GABRB1: variants seen among roughly 807,000 people sequenced by gnomAD.
The protein encoded by GABRB1 is gamma-aminobutyric acid receptor subunit beta-1.
Under a neutral mutation model 51.6 loss-of-function variants are expected in GABRB1, and 17 were observed. The ratio of observed to expected loss-of-function variants is 0.33; its 90% confidence interval spans 0.23 to 0.49. GABRB1 has a LOEUF of 0.49. GABRB1 is among the 20% of genes least tolerant of loss of function. GABRB1 has a pLI of 0.99. For missense variants in GABRB1, 410 were observed against 600.6 expected (o/e 0.68, Z 3.32); for synonymous variants, 247 against 218.9 (o/e 1.13, Z -1.14).
At chr4:47,264,364 A>C (rs546927782) in intron 4 of GABRB1, among the ~76,000 whole-genome samples, 67 of 152,336 alleles carry the variant, frequency 4.4e-4, no homozygotes, top group African/African-American at 1.6e-3. Flanking sequence ...TCATGGCCCT[A>C]TGTTATGGGG....
At chr4:47,115,665 A>C (rs1222766314) in intron 3 of GABRB1, among the ~76,000 whole-genome samples, 1 of 152,116 alleles carries the variant, frequency 6.6e-6, no homozygotes, top group East Asian at 1.9e-4. Context: ...CATTGAAAAA[A>C]AGTGCATATT....
intron 5 of GABRB1, among the ~76,000 whole-genome samples, chr4:47,380,172 G>A (rs1727543810): frequency 6.6e-6 from 1 of 152,162 alleles, no homozygotes; most frequent in South Asian, 2.1e-4. Flanking sequence ...GGAATTGCTT[G>A]TTATAATGCA....
At chr4:47,074,106 TC>T (rs2109551722) in intron 3 of GABRB1, among the ~76,000 whole-genome samples, 1 of 152,312 alleles carries the variant, frequency 6.6e-6, no homozygotes, top group South Asian at 2.1e-4. Flanking sequence ...CATTGCTATT[TC>T]CAAATATTTT....
chr4:47,122,741 C>T (rs1285480321), intron 3 of GABRB1, among the ~76,000 whole-genome samples: 2 of 152,184 alleles, frequency 1.3e-5, no homozygotes, highest in Non-Finnish European at 2.9e-5. Flanking sequence ...AAAACTGTCA[C>T]TGCTGAGTTG....
intron 5 of GABRB1, among the ~76,000 whole-genome samples, chr4:47,332,233 C>T (rs978353030): frequency 6.6e-6 from 1 of 152,164 alleles, no homozygotes; most frequent in Non-Finnish European, 1.5e-5. Flanking sequence ...GTCAGAAACC[C>T]TTTCTCTTCT....
chr4:47,384,059 AT>A (rs1038322311), intron 5 of GABRB1, among the ~76,000 whole-genome samples: 1 of 152,040 alleles, frequency 6.6e-6, no homozygotes, highest in East Asian at 1.9e-4. Context: ...TTTGATGTTT[AT>A]TTTTCCCAAA....
chr4:47,400,731 C>G (rs377500371), intron 5 of GABRB1, among the ~76,000 whole-genome samples: 59 of 152,136 alleles, frequency 3.9e-4, no homozygotes, highest in African/African-American at 1.4e-3. Context: ...TCCCAGCCTC[C>G]CCACTTCTGA....
chr4:47,098,113 C>T (rs1191542813), intron 3 of GABRB1, among the ~76,000 whole-genome samples: 3 of 151,848 alleles, frequency 2.0e-5, no homozygotes, highest in Non-Finnish European at 4.4e-5. Context: ...CTATCACTGA[C>T]AACTATCAAG....
chr4:47,342,570 A>G (rs1725940293), intron 5 of GABRB1, among the ~76,000 whole-genome samples: 1 of 152,208 alleles, frequency 6.6e-6, no homozygotes, highest in African/African-American at 2.4e-5. Context: ...GCTGAAGTAA[A>G]TAAAATACAA....
intron 4 of GABRB1, among the ~76,000 whole-genome samples, chr4:47,244,482 G>T (rs1461613701): frequency 1.3e-5 from 2 of 152,136 alleles, no homozygotes; most frequent in African/African-American, 4.8e-5. Flanking sequence ...TTGTACCTCT[G>T]GTAGAATTCA....
chr4:47,040,768 G>T (rs929011553), intron 3 of GABRB1, among the ~76,000 whole-genome samples: 1 of 152,122 alleles, frequency 6.6e-6, no homozygotes, highest in African/African-American at 2.4e-5. Flanking sequence ...AGTGAAATGC[G>T]TTGGTTAGAG....
chr4:47,169,785 A>C (rs904998813), intron 4 of GABRB1, among the ~76,000 whole-genome samples: 2 of 152,142 alleles, frequency 1.3e-5, no homozygotes, highest in African/African-American at 4.8e-5. Flanking sequence ...TACAGGCATG[A>C]GCCACCGTGC....
intron 8 of GABRB1, among the ~76,000 whole-genome samples, chr4:47,419,065 TA>T (rs1729019330): frequency 6.6e-6 from 1 of 152,244 alleles, no homozygotes; most frequent in African/African-American, 2.4e-5. Context: ...CTGATTTTTT[TA>T]AAAACTAATT....
At chr4:47,190,679 A>G (rs186319710) in intron 4 of GABRB1, among the ~76,000 whole-genome samples, 63 of 152,304 alleles carry the variant, frequency 4.1e-4, no homozygotes, top group East Asian at 1.9e-4. Flanking sequence ...AAGGAGGACC[A>G]GGCTTTAAAC....
chr4:47,183,055 T>C (rs1560574946), intron 4 of GABRB1, among the ~76,000 whole-genome samples: 1 of 151,860 alleles, frequency 6.6e-6, no homozygotes, highest in East Asian at 1.9e-4. Context: ...CTGGTAGGTA[T>C]ATTAACTTAT....
Position 47,372,230 on chromosome 4 carries a change from G to A in GABRB1, c.545-31088G>A, listed in dbSNP as rs550295378. ...ATTGCTTGTTTTTGTCAGGTTTGTC[G>A]AAGATCCGATAGTTGTAGTGTGCAG... On this transcript the variant is annotated intron_variant, in intron 5 of 8. Transcript: ENST00000295454. Among the ~76,000 whole-genome samples the A allele has an allele frequency of 6.6e-4, 101 of 152,150 alleles. No homozygotes were observed. In the South Asian group the frequency reaches 9.3e-3, roughly 14 times the overall value.
intron 4 of GABRB1, among the ~76,000 whole-genome samples, chr4:47,269,814 A>G (rs1442789040): frequency 6.6e-6 from 1 of 152,058 alleles, no homozygotes; most frequent in African/African-American, 2.4e-5. Context: ...ATGCAAGAGG[A>G]ACTCCTCAAA....
intron 5 of GABRB1, among the ~76,000 whole-genome samples, chr4:47,385,146 C>T (rs1727743467): frequency 6.6e-6 from 1 of 152,182 alleles, no homozygotes; most frequent in African/African-American, 2.4e-5. Context: ...CTGGCAGAGG[C>T]AACATCCTAT....
At chr4:47,153,322 G>C (rs1021620477) in intron 3 of GABRB1, among the ~76,000 whole-genome samples, 3 of 151,908 alleles carry the variant, frequency 2.0e-5, no homozygotes, top group Non-Finnish European at 4.4e-5. Flanking sequence ...CCTACTTCAG[G>C]CTCAACATTT....
Sources: allele counts gnomAD v4.1 joint callset (sites outside exome capture counted in the v4.1 genomes callset), GRCh38; gene constraint gnomAD v4.1.1; transcripts MANE v1.5; gene names NCBI Gene and HGNC (gene_info 2026-07-23, HGNC 2026-07-21).